Variants in SLC45A3 observed in about 807,000 individuals in gnomAD.
SLC45A3 encodes the protein solute carrier family 45 member 3.
A neutral mutation model predicts 35.3 loss-of-function variants in SLC45A3; 17 were observed. The observed-to-expected ratio is 0.48, with a 90% CI of 0.33 to 0.72. The LOEUF (loss-of-function observed/expected upper bound fraction) is 0.72, where lower values mean the gene tolerates loss of function less well. Ranked by LOEUF, SLC45A3 falls within the 30% of genes least tolerant of loss-of-function variation. The pLI is 0.02. For synonymous variants in SLC45A3, 288 were observed against 334.3 expected, an observed-to-expected ratio of 0.86 and a Z score of 1.51; for missense variants, 597 against 731.7, an observed-to-expected ratio of 0.82 and a Z score of 2.12.
intron 1 of SLC45A3, among the ~76,000 whole-genome samples, chr1:205,672,474 C>T (rs538327910): frequency 6.6e-5 from 10 of 152,208 alleles, no homozygotes; most frequent in Non-Finnish European, 1.3e-4. Context: ...GCCTCAGAGG[C>T]GTCTAGCGTG....
chr1:205,669,653 C>A lies in SLC45A3; in HGVS notation c.-230-4767G>T, dbSNP rs183968210. Among the ~76,000 whole-genome samples the A allele has an allele frequency of 5.6e-3, 852 of 152,318 alleles. 4 individuals are homozygous for A. Among genetic ancestry groups the A allele is most frequent in the African/African-American group, 0.019 (803 of 41,580 alleles). On this transcript the variant is annotated intron_variant, in intron 1 of 4. Transcript: ENST00000367145. The surrounding 1 kb of genome is among the most constrained non-coding windows in gnomAD (Gnocchi z 4.1). ...CAAACGGCTGTAGCCCCCACCCTGA[C>A]CCCGCAGGCTCAGCGACCCTGCGTG...
In SLC45A3 at chr1:205,663,135, TCAGCCAC is replaced by T. The variant is rs746468114; in HGVS notation, c.649_655del (p.Val217ArgfsTer68). On this transcript the variant is annotated frameshift_variant, in exon 3 of 5. Coordinates refer to ENST00000367145, the MANE Select transcript of SLC45A3 (RefSeq NM_033102.3). LOFTEE classifies it high-confidence loss of function. Reference sequence around the variant, plus strand: ...CTCGGTGGGGCCCAGCGCTGCCTCCTCAGCCACCAGCAGTGTGGCTGCTACGCAGGTG... The same window carrying T: ...CTCGGTGGGGCCCAGCGCTGCCTCCTCAGCAGTGTGGCTGCTACGCAGGTG... 8.1e-6 allele frequency: 13 copies of T among 1,610,402 alleles called. No individual in the cohort carries two copies. In the East Asian group the frequency reaches 2.9e-4, roughly 36 times the overall value.
intron 1 of SLC45A3, among the ~76,000 whole-genome samples, chr1:205,677,312 C>T (rs1397741294): frequency 2.0e-5 from 3 of 152,172 alleles, no homozygotes; most frequent in Admixed American, 2.0e-4. Flanking sequence ...TCCTTCGTAG[C>T]TTACATATAG....
Position 205,664,986 on chromosome 1 carries a change from G to A in SLC45A3, c.-230-100C>T. On this transcript the variant is annotated intron_variant, in intron 1 of 4. Coordinates refer to ENST00000367145, the MANE Select transcript of SLC45A3 (RefSeq NM_033102.3). The surrounding 1 kb of genome is among the most constrained non-coding windows in gnomAD (Gnocchi z 5.3). ...TTGTCTGGATCCTGATCATTCACAG[G>A]CTGGCGACTGGCCCTGTCACCGAGG... 1 of 1,134,300 alleles carries A rather than the reference G, an allele frequency of 8.8e-7. No homozygotes were observed. The highest frequency in any genetic ancestry group is 3.4e-5 in the South Asian group (1 of 29,408). 70.3% of individuals were successfully genotyped at this position (1,134,300 alleles called of 1,614,324 possible). A position where few individuals can be genotyped will look rare whatever the true frequency, so the allele number is the denominator to read the frequency against.
At position 205,671,179 on chromosome 1, in the gene SLC45A3, G is replaced by A. The variant is rs189917845; in HGVS notation, c.-230-6293C>T. Among the ~76,000 whole-genome samples, 274 of 152,328 alleles carry A rather than the reference G, an allele frequency of 1.8e-3. 2 individuals carry two copies. Among genetic ancestry groups the A allele is most frequent in the African/African-American group, 6.1e-3 (254 of 41,560 alleles). ...CTCACCTTGGCCAGAGTCAGTCCTG[G>A]ACAGCCTAAGCTAGGGCTGAAGCAT... On this transcript the variant is annotated intron_variant, in intron 1 of 4. Coordinates refer to ENST00000367145, the MANE Select transcript of SLC45A3 (RefSeq NM_033102.3).
rs1364597686 is a variant in SLC45A3 at position 205,659,744 on chromosome 1, G to A, written c.1225-73C>T. On this transcript the variant is annotated intron_variant, in intron 4 of 4. Coordinates refer to ENST00000367145, the MANE Select transcript of SLC45A3 (RefSeq NM_033102.3). The surrounding 1 kb of genome is among the most constrained non-coding windows in gnomAD (Gnocchi z 5.8). ...AGCACTGGCACCACCCCAGCTGTGA[G>A]AACAGACCCTTGCCTCCATCCCAGG... is the stretch of plus-strand genomic sequence containing the variant. 7.2e-7 allele frequency: 1 copy of A among 1,396,944 alleles called. No individual in the cohort carries two copies. Among genetic ancestry groups the A allele is most frequent in the Non-Finnish European group, 9.6e-7 (1 of 1,045,870 alleles). 86.5% of individuals were successfully genotyped at this position (1,396,944 alleles called of 1,614,324 possible).
chr1:205,672,227 G>A (rs1157547044), intron 1 of SLC45A3, among the ~76,000 whole-genome samples: 3 of 151,806 alleles, frequency 2.0e-5, no homozygotes, highest in Non-Finnish European at 4.4e-5. Flanking sequence ...TCACCCACGT[G>A]CCTCCCCCAC....
intron 1 of SLC45A3, among the ~76,000 whole-genome samples, chr1:205,678,582 T>C (rs956258744): frequency 3.3e-5 from 5 of 152,094 alleles, no homozygotes; most frequent in Non-Finnish European, 5.9e-5. Flanking sequence ...TTCAACGTTA[T>C]TCAGGGAGCC....
chr1:205,670,626 C>CTT (rs1421710879), intron 1 of SLC45A3, among the ~76,000 whole-genome samples: 1 of 152,228 alleles, frequency 6.6e-6, no homozygotes, highest in African/African-American at 2.4e-5. Flanking sequence ...GCTGAGCTGC[C>CTT]TTTTCTTCAC....
In SLC45A3 at chr1:205,666,845, A is replaced by C. The variant is rs1217709552; in HGVS notation, c.-230-1959T>G. ...ACCCCCAAGAAGGAAAGCAGGAGAC[A>C]GCACAGAGACCAAGAGGCAGTGCTA... On this transcript the variant is annotated intron_variant, in intron 1 of 4. Coordinates refer to ENST00000367145, the MANE Select transcript of SLC45A3 (RefSeq NM_033102.3). This position sits in a 1 kb window ranked among gnomAD's most constrained non-coding sequence, Gnocchi z 4.1. Among the ~76,000 whole-genome samples, 1 of 152,236 alleles carries C rather than the reference A, an allele frequency of 6.6e-6. No homozygotes were observed. Among genetic ancestry groups the C allele is most frequent in the African/African-American group, 2.4e-5 (1 of 41,468 alleles).
At chr1:205,677,532 G>A (rs1351994931) in intron 1 of SLC45A3, among the ~76,000 whole-genome samples, 1 of 152,234 alleles carries the variant, frequency 6.6e-6, no homozygotes, top group Non-Finnish European at 1.5e-5. Flanking sequence ...TACAGAGGAG[G>A]AAGTTGAAAC....
chr1:205,664,452 G>A lies in SLC45A3; in HGVS notation c.172+33C>T. 1 of 1,610,802 alleles carries A rather than the reference G, an allele frequency of 6.2e-7. No individual in the cohort carries two copies. Among genetic ancestry groups the A allele is most frequent in the Non-Finnish European group, 8.5e-7 (1 of 1,177,754 alleles). The stretch of plus-strand genomic sequence containing the variant: ...CCCACATGCCAGGTGGCATGTATCT[G>A]GAACAGGAAGGAAGGAGGATGTAGT... On this transcript the variant is annotated intron_variant, in intron 2 of 4. Coordinates refer to ENST00000367145, the MANE Select transcript of SLC45A3 (RefSeq NM_033102.3). This position sits in a 1 kb window ranked among gnomAD's most constrained non-coding sequence, Gnocchi z 5.3.
Position 205,662,969 on chromosome 1 carries a change from G to A in SLC45A3, c.822C>T (p.Leu274=). The part of the protein sequence containing the change: ...CCRMPRTLRR[L]FVAELCSWMA... ...TCCAGCTGCACAGCTCAGCCACGAA[G>A]AGCCGGCGCAGGGTGCGGGGCATGC... The change falls in exon 3 of 5, where the codon CTC becomes CTT. Residue 274 remains leucine, a synonymous_variant. Coordinates refer to ENST00000367145, the MANE Select transcript of SLC45A3 (RefSeq NM_033102.3). This position sits in a 1 kb window ranked among gnomAD's most constrained non-coding sequence, Gnocchi z 6.2. 6.2e-7 allele frequency: 1 copy of A among 1,613,648 alleles called. No homozygotes were observed. The highest frequency in any genetic ancestry group is 2.2e-5 in the East Asian group (1 of 44,886).
rs1397646181 is a variant in SLC45A3 at position 205,662,256 on chromosome 1, C to T, written c.959-130G>A. 4.9e-6 allele frequency: 7 copies of T among 1,442,016 alleles called. No individual in the cohort carries two copies. The East Asian group carries it at 7.5e-5, about 15-fold the overall frequency. 89.3% of individuals were successfully genotyped at this position (1,442,016 alleles called of 1,614,324 possible). On this transcript the variant is annotated intron_variant, in intron 3 of 4. Transcript: ENST00000367145. The surrounding 1 kb of genome is among the most constrained non-coding windows in gnomAD (Gnocchi z 6.2). Reference sequence around the variant, plus strand: ...GCTGTGGACCAGCCCTGCTCCCCAGCACCCTTCCCCTTTCTACCTCTAGCA... The same window carrying T: ...GCTGTGGACCAGCCCTGCTCCCCAGTACCCTTCCCCTTTCTACCTCTAGCA...
At position 205,672,766 on chromosome 1, in the gene SLC45A3, G is replaced by C. The variant is rs896303407; in HGVS notation, c.-231+7628C>G. Among the ~76,000 whole-genome samples the C allele has an allele frequency of 2.0e-5, 3 of 152,056 alleles. No homozygotes were observed. In the East Asian group the frequency reaches 5.8e-4, roughly 29 times the overall value. Reference sequence around the variant, plus strand: ...TAGACAGGCCATCTCACCTCTCTGGGACTCAGTTTCTACACCTGTAAAATG... The same window carrying C: ...TAGACAGGCCATCTCACCTCTCTGGCACTCAGTTTCTACACCTGTAAAATG... On this transcript the variant is annotated intron_variant, in intron 1 of 4. Transcript: ENST00000367145.
In SLC45A3 at chr1:205,666,298, G is replaced by A. The variant is rs574379378; in HGVS notation, c.-230-1412C>T. Among the ~76,000 whole-genome samples, 650 of 151,610 alleles carry A rather than the reference G, an allele frequency of 4.3e-3. 3 individuals carry two copies. The highest frequency in any genetic ancestry group is 0.013 in the African/African-American group (535 of 41,332). ...CAAGGCAGGAGGATCACTTCAGCCT[G>A]GGAGTTTGAGACCAGCCTGGGCAAC... On this transcript the variant is annotated intron_variant, in intron 1 of 4. Transcript: ENST00000367145. This position sits in a 1 kb window ranked among gnomAD's most constrained non-coding sequence, Gnocchi z 4.1.
At chr1:205,667,170 A>T (rs964750672) in intron 1 of SLC45A3, among the ~76,000 whole-genome samples, 2 of 152,070 alleles carry the variant, frequency 1.3e-5, no homozygotes, top group African/African-American at 4.8e-5. Context: ...GGAGCTTAAG[A>T]ACAGCCTGGG....
chr1:205,664,557 C>A lies in SLC45A3; in HGVS notation c.100G>T (p.Ala34Ser), dbSNP rs149769508. The change falls in exon 2 of 5, where the codon GCA becomes TCA. Residue 34 changes from alanine to serine, a missense_variant. Coordinates refer to ENST00000367145, the MANE Select transcript of SLC45A3 (RefSeq NM_033102.3). This position sits in a 1 kb window ranked among gnomAD's most constrained non-coding sequence, Gnocchi z 5.3. ...LTFGLEVCLA[A>S]GITYVPPLLL... ...AGAGGCGGCACATAGGTGATGCCTGCGGCCAAACACACCTCCAGGCCAAAG... is the reference window on the plus strand; with the variant it reads ...AGAGGCGGCACATAGGTGATGCCTGAGGCCAAACACACCTCCAGGCCAAAG... The A allele has an allele frequency of 6.2e-7, 1 of 1,614,238 alleles. No individual in the cohort carries two copies. The highest frequency in any genetic ancestry group is 8.5e-7 in the Non-Finnish European group (1 of 1,180,036).
chr1:205,667,425 T>C (rs1425065441), intron 1 of SLC45A3, among the ~76,000 whole-genome samples: 3 of 152,168 alleles, frequency 2.0e-5, no homozygotes, highest in Admixed American at 6.5e-5. Context: ...GAGAATTGCT[T>C]GAACCTGGGA....
Sources: gnomAD v4.1 joint callset for allele counts (sites outside exome capture counted in the v4.1 genomes callset) on GRCh38, gnomAD v4.1.1 for gene constraint, Gnocchi (gnomAD v3.1) non-coding constraint, MANE v1.5 for transcripts, NCBI Gene and HGNC (gene_info 2026-07-23, HGNC 2026-07-21) for gene names.